IMPA1: variants seen among roughly 807,000 people sequenced by gnomAD.
IMPA1 encodes the protein inositol monophosphatase 1.
IMPA1 carries 21 observed loss-of-function variants against 34.9 expected under a neutral mutation model. The ratio of observed to expected loss-of-function variants is 0.60; its 90% CI spans 0.43 to 0.87. IMPA1 has a LOEUF of 0.87. Among genes scored for constraint, IMPA1 ranks in the 40% least tolerant of loss-of-function variants. The probability of loss-of-function intolerance (pLI) is 0.00; values close to 1 mark genes in which losing one functional copy is unlikely to be tolerated. For missense variants in IMPA1, 299 were observed against 336.4 expected (o/e 0.89, Z 0.87); for synonymous variants, 95 against 104.4 (o/e 0.91, Z 0.55).
chr8:81,676,053 A>C (rs1807121331), intron 5 of IMPA1, among the ~76,000 whole-genome samples, 181 bp downstream of exon 5: 1 of 152,226 alleles, frequency 6.6e-6, no homozygotes, highest in Admixed American at 6.5e-5. Context: ...AGAATACATA[A>C]AATTTTATCC....
At chr8:81,686,105 G>A (rs1034040739) in intron 1 of IMPA1, 147 bp downstream of exon 1, 3 of 841,630 alleles carry the variant, frequency 3.6e-6, no homozygotes, top group Admixed American at 4.3e-5. Context: ...TAACGCAGCA[G>A]GCAGGGGTCA....
At chr8:81,680,597 C>G in intron 3 of IMPA1, 53 bp downstream of exon 3, 1 of 1,381,614 alleles carries the variant, frequency 7.2e-7, no homozygotes. Flanking sequence ...TATGCAGAAC[C>G]CCAAGAAATG....
At chr8:81,684,138 T>TACACACACAC (rs955987022) in intron 1 of IMPA1, among the ~76,000 whole-genome samples, 2 of 113,994 alleles carry the variant, frequency 1.8e-5, no homozygotes, top group South Asian at 2.4e-4. Flanking sequence ...CATACACACA[T>TACACACACAC]ACACACACAC....
chr8:81,678,171 ATTTT>A (rs879932837), intron 4 of IMPA1, among the ~76,000 whole-genome samples: 2 of 144,516 alleles, frequency 1.4e-5, no homozygotes, highest in Middle Eastern at 3.3e-3. Flanking sequence ...CACCCATGCA[ATTTT>A]TTTTTTTTTG....
At chr8:81,682,650 A>C (rs1297914952) in intron 1 of IMPA1, among the ~76,000 whole-genome samples, 1 of 151,226 alleles carries the variant, frequency 6.6e-6, no homozygotes, top group African/African-American at 2.4e-5. Flanking sequence ...TTTCACTCTT[A>C]CTCCCATTCT....
At chr8:81,680,235 T>G (rs1292721003) in intron 3 of IMPA1, among the ~76,000 whole-genome samples, 1 of 152,164 alleles carries the variant, frequency 6.6e-6, no homozygotes, top group Non-Finnish European at 1.5e-5. Context: ...TACTTGTTTC[T>G]AACCAATAAA....
At chr8:81,682,166 G>T (rs1365968714) in intron 1 of IMPA1, among the ~76,000 whole-genome samples, 1 of 151,520 alleles carries the variant, frequency 6.6e-6, no homozygotes, top group East Asian at 1.9e-4. Flanking sequence ...AAAAAAATAA[G>T]AAAAAAGCAA....
At chr8:81,673,191 T>G (rs747164544) in intron 6 of IMPA1, among the ~76,000 whole-genome samples, 21 of 152,222 alleles carry the variant, frequency 1.4e-4, no homozygotes, top group Non-Finnish European at 2.9e-4. Context: ...TTCACAGGTG[T>G]GGGAGAGAAA....
chr8:81,660,769 C>T lies in IMPA1; in HGVS notation c.567-102G>A, dbSNP rs938909520. 45 of 838,160 alleles carry T rather than the reference C, an allele frequency of 5.4e-5. 1 individual carries two copies. The highest frequency in any genetic ancestry group is 3.3e-4 in the Admixed American group (12 of 36,278). The allele number at this position is 838,160 out of a possible 1,614,324, so 51.9% of individuals were successfully genotyped here. On this transcript the variant is annotated intron_variant, in intron 7 of 8. Transcript: ENST00000256108. ...AAGTGTCGATTGAAGAAACTTGGAACGATCTAGAGGATAAAGATTTTAAGA... is the reference window on the plus strand; with the variant it reads ...AAGTGTCGATTGAAGAAACTTGGAATGATCTAGAGGATAAAGATTTTAAGA...
Position 81,680,211 on chromosome 8 carries a change from G to A in IMPA1, c.197+439C>T, listed in dbSNP as rs576040123. On this transcript the variant is annotated intron_variant, in intron 3 of 8. Coordinates refer to ENST00000256108, the MANE Select transcript of IMPA1 (RefSeq NM_005536.4). The stretch of plus-strand genomic sequence containing the variant: ...GGAGCCTAATATTCCTTCCTTGAGC[G>A]TGAGCTATGCAGATACTTGTTTCTA... Among the ~76,000 whole-genome samples the A allele has an allele frequency of 2.6e-5, 4 of 151,886 alleles. No homozygotes were observed. The East Asian group carries it at 7.7e-4, about 29-fold the overall frequency.
rs542313680 is a variant in IMPA1, at chr8:81,667,128, C to CA, written c.566+3810dup. Among the ~76,000 whole-genome samples the CA allele has an allele frequency of 4.2e-3, 629 of 151,268 alleles. 3 individuals carry two copies. Among genetic ancestry groups the CA allele is most frequent in the Non-Finnish European group, 6.8e-3 (459 of 67,798 alleles). On this transcript the variant is annotated intron_variant, in intron 7 of 8. Coordinates refer to ENST00000256108, the MANE Select transcript of IMPA1 (RefSeq NM_005536.4). ...CTCAGTATAAGACAGGGCAAATAGA[C>CA]AAAAAAAATTAATTAGGTAAATCTT...
chr8:81,685,897 G>C, intron 1 of IMPA1: 1 of 1,546,196 alleles, frequency 6.5e-7, no homozygotes, highest in South Asian at 1.2e-5. Flanking sequence ...GGCAGCACAG[G>C]ACCTGGGCGC....
chr8:81,675,733 G>A (rs1807112747), intron 5 of IMPA1, among the ~76,000 whole-genome samples: 1 of 152,316 alleles, frequency 6.6e-6, no homozygotes, highest in Non-Finnish European at 1.5e-5. Flanking sequence ...ATAGCTATAT[G>A]TTTTATTCTG....
At chr8:81,671,068 T>G in intron 6 of IMPA1, 21 bp from the exon 7 acceptor site, 6 of 1,250,700 alleles carry the variant, frequency 4.8e-6, no homozygotes, top group Non-Finnish European at 6.5e-6. Flanking sequence ...AGTGTTAGGT[T>G]TCAATATTTA....
At chr8:81,661,895 C>T (rs976445569) in intron 7 of IMPA1, among the ~76,000 whole-genome samples, 5 of 152,058 alleles carry the variant, frequency 3.3e-5, no homozygotes, top group Admixed American at 3.3e-4. Flanking sequence ...CTGTTTAAAG[C>T]GATGGTAATA....
intron 7 of IMPA1, among the ~76,000 whole-genome samples, chr8:81,665,667 T>G (rs1264228871): frequency 6.6e-6 from 1 of 152,014 alleles, no homozygotes; most frequent in East Asian, 1.9e-4. Context: ...CTAAGATATA[T>G]CCTTTAAAAA....
intron 2 of IMPA1, 121 bp downstream of exon 2, chr8:81,681,375 GGT>G (rs1807295151): frequency 1.6e-6 from 1 of 639,990 alleles, no homozygotes; most frequent in Non-Finnish European, 2.8e-6. Context: ...TTCCAGCTTG[GGT>G]GACAAGCAAG....
rs983034027 is a variant in IMPA1 at position 81,657,112 on chromosome 8, T to A, written c.*2239A>T. Among the ~76,000 whole-genome samples the A allele has an allele frequency of 1.3e-5, 2 of 152,200 alleles. No homozygotes were observed. Among genetic ancestry groups the A allele is most frequent in the African/African-American group, 4.8e-5 (2 of 41,442 alleles). On this transcript the variant is annotated 3_prime_UTR_variant, in exon 9 of 9. Coordinates refer to ENST00000256108, the MANE Select transcript of IMPA1 (RefSeq NM_005536.4). ...TAATTCACTTGTCGATCATCCTTTT[T>A]CAGCATCTAAAGAAATTTCAGACAC...
At chr8:81,666,736 G>A (rs1021783250) in intron 7 of IMPA1, among the ~76,000 whole-genome samples, 9 of 151,954 alleles carry the variant, frequency 5.9e-5, no homozygotes, top group African/African-American at 2.2e-4. Flanking sequence ...CGGGCATGGT[G>A]GTGCGTAGCT....
Sources: gnomAD v4.1 joint callset for allele counts (sites outside exome capture counted in the v4.1 genomes callset) on GRCh38, gnomAD v4.1.1 for gene constraint, MANE v1.5 for transcripts, NCBI Gene and HGNC (gene_info 2026-07-23, HGNC 2026-07-21) for gene names.